Variants in FAM83F observed in about 807,000 individuals in gnomAD.
The protein encoded by FAM83F is scaffolding CK1 anchoring protein F.
FAM83F carries 45 observed loss-of-function variants against 42.9 expected under a neutral mutation model. The ratio of observed to expected loss-of-function variants is 1.05; its 90% confidence interval spans 0.83 to 1.35. The LOEUF is 1.35. Among genes scored for constraint, FAM83F ranks in the 40% most tolerant of loss-of-function variants. FAM83F has a pLI of 0.00. For synonymous variants in FAM83F, 306 were observed against 298.3 expected, an observed-to-expected ratio of 1.03 and a Z score of -0.27; for missense variants, 617 against 695.9, an observed-to-expected ratio of 0.89 and a Z score of 1.28.
At chr22:40,003,276 T>A (rs1346249424) in intron 1 of FAM83F, among the ~76,000 whole-genome samples, 1 of 152,180 alleles carries the variant, frequency 6.6e-6, no homozygotes, top group African/African-American at 2.4e-5. Context: ...TATGGCCACT[T>A]TCTGGCCCCC....
chr22:40,028,587 C>T (rs2067568139), intron 4 of FAM83F, among the ~76,000 whole-genome samples: 2 of 152,324 alleles, frequency 1.3e-5, no homozygotes, highest in Admixed American at 1.3e-4. Flanking sequence ...CTCCCCTGCA[C>T]TCCCTCCGGA....
rs7290061 is a variant in FAM83F, at chr22:40,042,150, A to G, written c.*12585A>G. 7 of 152,310 alleles carry G rather than the reference A, an allele frequency of 4.6e-5. No homozygotes were observed. Among genetic ancestry groups the G allele is most frequent in the Non-Finnish European group, 8.8e-5 (6 of 68,024 alleles). The allele number at this position is 152,310 out of a possible 1,614,324, so 9.4% of individuals were successfully genotyped here. On this transcript the variant is annotated 3_prime_UTR_variant, in exon 5 of 5. Transcript: ENST00000333407. ...TTGCTGGGATTACAAGCATAAGCCAATGTGCCTGGCCTCAATGTTACTTTT... is the reference window on the plus strand; with the variant it reads ...TTGCTGGGATTACAAGCATAAGCCAGTGTGCCTGGCCTCAATGTTACTTTT...
At chr22:40,002,032 C>A (rs532465531) in intron 1 of FAM83F, among the ~76,000 whole-genome samples, 1 of 152,186 alleles carries the variant, frequency 6.6e-6, no homozygotes. Flanking sequence ...AGCTTTCTGC[C>A]GGCCTCCGAG....
At position 40,029,864 on chromosome 22, in the gene FAM83F, G is replaced by A. The variant is rs545666029; in HGVS notation, c.*299G>A. Reference sequence around the variant, plus strand: ...CTCGCCTTTGTGCCCCACCCCCTCCGCTGATTGCCAGATGGGGTGAGGGCC... The same window carrying A: ...CTCGCCTTTGTGCCCCACCCCCTCCACTGATTGCCAGATGGGGTGAGGGCC... On this transcript the variant is annotated 3_prime_UTR_variant, in exon 5 of 5. Coordinates refer to ENST00000333407, the MANE Select transcript of FAM83F (RefSeq NM_138435.4). The A allele has an allele frequency of 1.3e-4, 45 of 345,576 alleles. 1 individual carries two copies. The highest frequency in any genetic ancestry group is 5.3e-4 in the East Asian group (9 of 16,878). 21.4% of individuals were successfully genotyped at this position (345,576 alleles called of 1,614,324 possible).
rs575121972 is a variant in FAM83F at position 40,002,439 on chromosome 22, G to A, written c.489+6908G>A. Among the ~76,000 whole-genome samples, 4 of 152,312 alleles carry A rather than the reference G, an allele frequency of 2.6e-5. No homozygotes were observed. In the South Asian group the frequency reaches 6.2e-4, roughly 24 times the overall value. On this transcript the variant is annotated intron_variant, in intron 1 of 4. Coordinates refer to ENST00000333407, the MANE Select transcript of FAM83F (RefSeq NM_138435.4). Reference sequence around the variant, plus strand: ...GGTCCCTGAACCTCTGAGGATGGGTGTTTCCCAGAAAGTTCAAAAGTAGAA... The same window carrying A: ...GGTCCCTGAACCTCTGAGGATGGGTATTTCCCAGAAAGTTCAAAAGTAGAA...
chr22:40,027,471 G>A (rs1026903284), intron 4 of FAM83F, among the ~76,000 whole-genome samples: 2 of 152,072 alleles, frequency 1.3e-5, no homozygotes, highest in Non-Finnish European at 2.9e-5. Context: ...CCCTGCACCC[G>A]TTTTCAGCTC....
In FAM83F at chr22:40,023,547, C is replaced by G. The variant is rs552026940; in HGVS notation, c.1453+1584C>G. Among the ~76,000 whole-genome samples the G allele has an allele frequency of 1.3e-5, 2 of 152,110 alleles. No homozygotes were observed. The highest frequency in any genetic ancestry group is 4.8e-5 in the African/African-American group (2 of 41,420). ...GAAGCTTTCTCTTCCTTCAGCCCCT[C>G]GCCCTGAGATGCAGTTTCCATGGAA... On this transcript the variant is annotated intron_variant, in intron 4 of 4. Coordinates refer to ENST00000333407, the MANE Select transcript of FAM83F (RefSeq NM_138435.4). The surrounding 1 kb of genome is among the most constrained non-coding windows in gnomAD (Gnocchi z 4.1).
Position 39,996,143 on chromosome 22 carries a change from G to GC in FAM83F, c.489+613dup, listed in dbSNP as rs1478809196. Among the ~76,000 whole-genome samples, 3 of 152,172 alleles carry GC rather than the reference G, an allele frequency of 2.0e-5. No individual in the cohort carries two copies. The East Asian group carries it at 5.8e-4, about 29-fold the overall frequency. On this transcript the variant is annotated intron_variant, in intron 1 of 4. Transcript: ENST00000333407. The stretch of plus-strand genomic sequence containing the variant: ...GGACCTACTGTGTGCCTGGCCCTGT[G>GC]CTGGGCGCCTTGGCACAGCAGGTCA...
At chr22:40,011,086 C>T (rs1488168574) in intron 1 of FAM83F, among the ~76,000 whole-genome samples, 2 of 152,228 alleles carry the variant, frequency 1.3e-5, no homozygotes, top group Non-Finnish European at 2.9e-5. Flanking sequence ...CCCTCCCACT[C>T]CTTTCTCCTT....
At chr22:39,996,103 G>A (rs975336524) in intron 1 of FAM83F, among the ~76,000 whole-genome samples, 1 of 152,192 alleles carries the variant, frequency 6.6e-6, no homozygotes, top group Non-Finnish European at 1.5e-5. Context: ...ATGAATGGGG[G>A]ACGGGGTATA....
Position 40,039,685 on chromosome 22 carries a change from G to C in FAM83F, c.*10120G>C, listed in dbSNP as rs2067643060. 6.6e-6 allele frequency: 1 copy of C among 152,266 alleles called. No homozygotes were observed. The highest frequency in any genetic ancestry group is 1.5e-5 in the Non-Finnish European group (1 of 68,070). The allele number at this position is 152,266 out of a possible 1,614,324, so 9.4% of individuals were successfully genotyped here. Reference sequence around the variant, plus strand: ...GAGACAACATAAGGAGAGAAGTGCAGACAGATTCCTTTGAAGGAGCTTAGA... The same window carrying C: ...GAGACAACATAAGGAGAGAAGTGCACACAGATTCCTTTGAAGGAGCTTAGA... On this transcript the variant is annotated 3_prime_UTR_variant, in exon 5 of 5. Coordinates refer to ENST00000333407, the MANE Select transcript of FAM83F (RefSeq NM_138435.4).
chr22:40,017,478 C>T (rs976702736), intron 1 of FAM83F, among the ~76,000 whole-genome samples: 25 of 152,314 alleles, frequency 1.6e-4, no homozygotes, highest in African/African-American at 5.5e-4. Context: ...AGTGATTCAC[C>T]CGCCTCAGCC....
rs57224519 is a variant in FAM83F, at chr22:40,014,131, C to CTTTTTTTT, written c.490-5027_490-5020dup. Among the ~76,000 whole-genome samples, 627 of 116,780 alleles carry CTTTTTTTT rather than the reference C, an allele frequency of 5.4e-3. 4 individuals are homozygous for CTTTTTTTT. Among genetic ancestry groups the CTTTTTTTT allele is most frequent in the East Asian group, 7.2e-3 (31 of 4,290 alleles). The allele number at this position is 116,780 out of a possible 152,430, so 76.6% of individuals were successfully genotyped here. A position where few individuals can be genotyped will look rare whatever the true frequency, so the allele number is the denominator to read the frequency against. ...AATCCTTATGTCTCTTATTTCTTTT[C>CTTTTTTTT]TTTTTTTTTTTTTTTTTGTCTTATT... On this transcript the variant is annotated intron_variant, in intron 1 of 4. Coordinates refer to ENST00000333407, the MANE Select transcript of FAM83F (RefSeq NM_138435.4).
At chr22:40,015,997 A>G (rs73165024) in intron 1 of FAM83F, among the ~76,000 whole-genome samples, 12,040 of 152,124 alleles carry the variant, frequency 0.079, 682 homozygotes, top group Non-Finnish European at 0.12. Context: ...CTGAGGCAAA[A>G]TTAGTATAGA....
intron 1 of FAM83F, among the ~76,000 whole-genome samples, chr22:40,005,280 G>C (rs1048956006): frequency 3.9e-5 from 6 of 152,226 alleles, no homozygotes; most frequent in Non-Finnish European, 5.9e-5. Flanking sequence ...ACCAGCAGAT[G>C]ATCCTAAAAA....
intron 4 of FAM83F, among the ~76,000 whole-genome samples, chr22:40,029,078 GACGTGTGTGTGTGTGTGT>G (rs1207418221): frequency 5.2e-5 from 7 of 135,234 alleles, no homozygotes; most frequent in African/African-American, 2.0e-4. Flanking sequence ...CTCTTGGCTA[GACGTGTGTGTGTGTGTGT>G]GTGTGTGTGT....
chr22:40,003,428 G>A (rs966401099), intron 1 of FAM83F, among the ~76,000 whole-genome samples: 2 of 152,084 alleles, frequency 1.3e-5, no homozygotes, highest in African/African-American at 4.8e-5. Flanking sequence ...TTCTTAGAGC[G>A]TGCAAAGCAG....
intron 1 of FAM83F, among the ~76,000 whole-genome samples, chr22:40,018,017 G>T (rs573273912): frequency 6.6e-6 from 1 of 152,354 alleles, no homozygotes; most frequent in South Asian, 2.1e-4. Flanking sequence ...GTGGAGCATG[G>T]TTTGTGTAGG....
rs1177744576 is a variant in FAM83F at position 40,036,063 on chromosome 22, G to C, written c.*6498G>C. 1 of 152,090 alleles carries C rather than the reference G, an allele frequency of 6.6e-6. No individual in the cohort carries two copies. Among genetic ancestry groups the C allele is most frequent in the East Asian group, 1.9e-4 (1 of 5,198 alleles). 9.4% of individuals were successfully genotyped at this position (152,090 alleles called of 1,614,324 possible). Reference sequence around the variant, plus strand: ...TGATCTTGCTCCGTCACCCAGGCTGGAGTGCAGTGGCGTAATCATGGCTTC... The same window carrying C: ...TGATCTTGCTCCGTCACCCAGGCTGCAGTGCAGTGGCGTAATCATGGCTTC... On this transcript the variant is annotated 3_prime_UTR_variant, in exon 5 of 5. Coordinates refer to ENST00000333407, the MANE Select transcript of FAM83F (RefSeq NM_138435.4).
Sources: gnomAD v4.1 joint callset for allele counts (sites outside exome capture counted in the v4.1 genomes callset) on GRCh38, gnomAD v4.1.1 for gene constraint, Gnocchi (gnomAD v3.1) non-coding constraint, MANE v1.5 for transcripts, NCBI Gene and HGNC (gene_info 2026-07-23, HGNC 2026-07-21) for gene names.